The following ERBB4 variants were observed in gnomAD, a reference collection of about 807,000 sequenced individuals.
The protein encoded by ERBB4 is erb-b2 receptor tyrosine kinase 4, also known as receptor tyrosine-protein kinase erbB-4.
Under a neutral mutation model 158.0 loss-of-function variants are expected in ERBB4, and 42 were observed. The observed-to-expected ratio is 0.27, with a 90% CI of 0.21 to 0.34. The LOEUF is 0.34. Among genes scored for constraint, ERBB4 ranks in the 10% least tolerant of loss-of-function variants. ERBB4 has a pLI of 1.00. For synonymous variants in ERBB4, 583 were observed against 558.7 expected (o/e 1.04, Z -0.61); for missense variants, 1,333 against 1,624.1 (o/e 0.82, Z 3.08).
chr2:211,763,504 G>A (rs974703223), intron 4 of ERBB4, among the ~76,000 whole-genome samples: 3 of 152,046 alleles, frequency 2.0e-5, no homozygotes, highest in African/African-American at 7.2e-5. Context: ...CCTTTACTAA[G>A]AGGCCAGTAT....
chr2:211,468,383 A>G (rs757113767), intron 20 of ERBB4, among the ~76,000 whole-genome samples: 4 of 152,184 alleles, frequency 2.6e-5, no homozygotes, highest in Non-Finnish European at 4.4e-5. Context: ...CACAGCAAGG[A>G]TGATGACTAT....
At chr2:212,437,131 A>G (rs1027348290) in intron 1 of ERBB4, among the ~76,000 whole-genome samples, 4 of 152,098 alleles carry the variant, frequency 2.6e-5, no homozygotes, top group African/African-American at 9.7e-5. Flanking sequence ...AATGTAAGGT[A>G]AAAGAACACT....
chr2:212,355,602 C>A (rs966463571), intron 1 of ERBB4, among the ~76,000 whole-genome samples: 1 of 151,978 alleles, frequency 6.6e-6, no homozygotes, highest in Non-Finnish European at 1.5e-5. Context: ...TTTTTCCCAG[C>A]TTCTCCATAA....
chr2:211,401,829 C>T (rs1291286792), intron 25 of ERBB4, among the ~76,000 whole-genome samples: 2 of 151,898 alleles, frequency 1.3e-5, no homozygotes, highest in East Asian at 3.9e-4. Context: ...TTTCACATAT[C>T]CTTTACCCTA....
chr2:212,308,701 A>G (rs559166777), intron 1 of ERBB4, among the ~76,000 whole-genome samples: 2 of 151,122 alleles, frequency 1.3e-5, no homozygotes, highest in African/African-American at 4.8e-5. Flanking sequence ...TGAGTTCTCT[A>G]TGCACGATAC....
chr2:212,395,981 A>C (rs1398214511), intron 1 of ERBB4, among the ~76,000 whole-genome samples: 1 of 152,116 alleles, frequency 6.6e-6, no homozygotes, highest in Non-Finnish European at 1.5e-5. Context: ...TTTTAGAGAT[A>C]CTACGAGAGT....
chr2:211,664,643 T>C (rs1182000749), intron 15 of ERBB4, among the ~76,000 whole-genome samples: 1 of 152,156 alleles, frequency 6.6e-6, no homozygotes, highest in Non-Finnish European at 1.5e-5. Flanking sequence ...TCAACTGTTA[T>C]CAATATCAAA....
At chr2:212,225,528 A>C (rs1034666975) in intron 1 of ERBB4, among the ~76,000 whole-genome samples, 1 of 151,980 alleles carries the variant, frequency 6.6e-6, no homozygotes, top group Non-Finnish European at 1.5e-5. Flanking sequence ...GTAAACAAAA[A>C]TCACTAGTAT....
intron 1 of ERBB4, among the ~76,000 whole-genome samples, chr2:212,464,433 A>G (rs1057372156): frequency 1.3e-5 from 2 of 152,194 alleles, no homozygotes; most frequent in Middle Eastern, 3.4e-3. Flanking sequence ...TGTTTTATAC[A>G]TTTGTAAACA....
chr2:211,501,998 T>A (rs2065628348), intron 20 of ERBB4, among the ~76,000 whole-genome samples: 1 of 152,098 alleles, frequency 6.6e-6, no homozygotes, highest in Non-Finnish European at 1.5e-5. Flanking sequence ...ATCAAACTCT[T>A]CTTAGTATCG....
At chr2:211,922,127 ATGTT>A (rs944686879) in intron 3 of ERBB4, among the ~76,000 whole-genome samples, 1 of 152,118 alleles carries the variant, frequency 6.6e-6, no homozygotes, top group East Asian at 1.9e-4. Context: ...ACCTTGTAGA[ATGTT>A]TGTCAGCAGT....
chr2:211,621,055 C>T (rs937639316), intron 18 of ERBB4, among the ~76,000 whole-genome samples: 24 of 152,186 alleles, frequency 1.6e-4, no homozygotes, highest in African/African-American at 5.1e-4. Flanking sequence ...GTTGAGGCTA[C>T]GGTGAACTGT....
At chr2:211,752,612 T>G (rs893461846) in intron 4 of ERBB4, among the ~76,000 whole-genome samples, 12 of 152,040 alleles carry the variant, frequency 7.9e-5, no homozygotes, top group Non-Finnish European at 1.5e-5. Flanking sequence ...AAATTCATAT[T>G]AGACATTTTT....
At chr2:211,674,987 T>C (rs1219508602) in intron 13 of ERBB4, among the ~76,000 whole-genome samples, 1 of 152,158 alleles carries the variant, frequency 6.6e-6, no homozygotes, top group Admixed American at 6.5e-5. Flanking sequence ...TATTGCCCTT[T>C]TCTTCCATAG....
At chr2:212,464,879 A>G (rs1041139586) in intron 1 of ERBB4, among the ~76,000 whole-genome samples, 3 of 143,340 alleles carry the variant, frequency 2.1e-5, no homozygotes, top group African/African-American at 8.1e-5. Flanking sequence ...CAATCTATTT[A>G]GAAAGGGAAA....
At chr2:211,881,656 T>C (rs1466949604) in intron 3 of ERBB4, among the ~76,000 whole-genome samples, 1 of 152,064 alleles carries the variant, frequency 6.6e-6, no homozygotes, top group Non-Finnish European at 1.5e-5. Flanking sequence ...CTAACCAGTT[T>C]TTCGGACCCT....
At chr2:211,666,177 A>C (rs1433849674) in intron 14 of ERBB4, among the ~76,000 whole-genome samples, 3 of 152,150 alleles carry the variant, frequency 2.0e-5, no homozygotes, top group Non-Finnish European at 4.4e-5. Flanking sequence ...AAACACTAAA[A>C]GTCATATTAT....
At chr2:212,323,510 A>C (rs750609757) in intron 1 of ERBB4, among the ~76,000 whole-genome samples, 17 of 150,390 alleles carry the variant, frequency 1.1e-4, no homozygotes, top group Non-Finnish European at 1.9e-4. Context: ...CAATATCATG[A>C]TACTTTCTAA....
intron 2 of ERBB4, among the ~76,000 whole-genome samples, chr2:212,091,366 G>C (rs1018822064): frequency 1.3e-5 from 2 of 152,006 alleles, no homozygotes; most frequent in African/African-American, 4.8e-5. Flanking sequence ...CTACCAGGCA[G>C]GTAAACTAAA....
Sources: allele counts gnomAD v4.1 joint callset (sites outside exome capture counted in the v4.1 genomes callset), GRCh38; gene constraint gnomAD v4.1.1; transcripts MANE v1.5; gene names NCBI Gene and HGNC (gene_info 2026-07-23, HGNC 2026-07-21).